PRKG1: variants seen among roughly 807,000 people sequenced by gnomAD.
PRKG1 encodes the protein protein kinase cGMP-dependent 1.
A neutral mutation model predicts 88.1 loss-of-function variants in PRKG1; 35 were observed. The ratio of observed to expected loss-of-function variants is 0.40; its 90% confidence interval spans 0.30 to 0.53. PRKG1 has a LOEUF of 0.53. Among genes scored for constraint, PRKG1 ranks in the 20% least tolerant of loss-of-function variants. The pLI, the probability that PRKG1 is intolerant of heterozygous loss-of-function variation, is 0.59. For missense variants in PRKG1, 540 were observed against 839.8 expected (o/e 0.64, Z 4.41); for synonymous variants, 303 against 292.5 (o/e 1.04, Z -0.37).
At chr10:51,238,208 A>G (rs1364508957) in intron 2 of PRKG1, among the ~76,000 whole-genome samples, 1 of 152,156 alleles carries the variant, frequency 6.6e-6, no homozygotes, top group African/African-American at 2.4e-5. Context: ...AGTAGAATAA[A>G]CAGAATCATA....
intron 3 of PRKG1, among the ~76,000 whole-genome samples, chr10:51,517,327 C>T (rs1262377948): frequency 6.6e-6 from 1 of 152,186 alleles, no homozygotes; most frequent in African/African-American, 2.4e-5. Flanking sequence ...GGCCTTCTGC[C>T]TTCAGAGATA....
chr10:51,257,166 GT>G (rs35730040), intron 2 of PRKG1, among the ~76,000 whole-genome samples: 22,221 of 138,604 alleles, frequency 0.16, 1,728 homozygotes, highest in East Asian at 0.28. Context: ...TCAGAGAAGG[GT>G]TTTTTTTTTT....
chr10:51,699,007 G>C, intron 3 of PRKG1: 1 of 1,614,244 alleles, frequency 6.2e-7, no homozygotes, highest in Non-Finnish European at 8.5e-7. Flanking sequence ...CTGGATCCAT[G>C]ATTCTCATCA....
chr10:51,487,484 A>C (rs1469957085), intron 3 of PRKG1, among the ~76,000 whole-genome samples: 1 of 152,162 alleles, frequency 6.6e-6, no homozygotes, highest in Non-Finnish European at 1.5e-5. Flanking sequence ...TAAAAAACTC[A>C]GTAGGGAGTT....
intron 5 of PRKG1, among the ~76,000 whole-genome samples, chr10:52,037,658 CT>C (rs1845652090): frequency 6.6e-6 from 1 of 152,090 alleles, no homozygotes; most frequent in African/African-American, 2.4e-5. Flanking sequence ...CTCCAGCCAC[CT>C]TTTTAAGAGT....
At chr10:51,547,689 G>A (rs190399277) in intron 3 of PRKG1, among the ~76,000 whole-genome samples, 347 of 152,146 alleles carry the variant, frequency 2.3e-3, no homozygotes, top group African/African-American at 7.1e-3. Context: ...GTTGAGATGT[G>A]CCCCATCTTC....
At chr10:51,585,165 T>A (rs184986462) in intron 3 of PRKG1, among the ~76,000 whole-genome samples, 2 of 152,246 alleles carry the variant, frequency 1.3e-5, no homozygotes, top group East Asian at 1.9e-4. Context: ...CAGTAAAATT[T>A]AAGAGTGAAT....
At chr10:51,575,144 T>G (rs1837852968) in intron 3 of PRKG1, among the ~76,000 whole-genome samples, 1 of 152,000 alleles carries the variant, frequency 6.6e-6, no homozygotes, top group African/African-American at 2.4e-5. Context: ...CCTGTGGTAC[T>G]GAGAAACTAA....
intron 3 of PRKG1, among the ~76,000 whole-genome samples, chr10:51,730,221 A>G (rs1842240361): frequency 6.6e-6 from 1 of 152,204 alleles, no homozygotes; most frequent in Admixed American, 6.5e-5. Flanking sequence ...AGGCGAGGGC[A>G]CAGACCTCTC....
At chr10:51,136,744 GT>G (rs1331226590) in intron 1 of PRKG1, among the ~76,000 whole-genome samples, 12 of 152,002 alleles carry the variant, frequency 7.9e-5, no homozygotes, top group Non-Finnish European at 1.8e-4. Flanking sequence ...GTTTCTTGTA[GT>G]TCTCTATGTG....
intron 4 of PRKG1, among the ~76,000 whole-genome samples, chr10:51,874,192 C>T (rs1296390633): frequency 2.0e-5 from 3 of 152,160 alleles, no homozygotes; most frequent in Admixed American, 2.0e-4. Flanking sequence ...CTGAGCTTCT[C>T]TGAGGGAATT....
intron 3 of PRKG1, among the ~76,000 whole-genome samples, chr10:51,657,300 G>A (rs1469601672): frequency 6.6e-6 from 1 of 152,000 alleles, no homozygotes; most frequent in Non-Finnish European, 1.5e-5. Flanking sequence ...TAGCCACTAA[G>A]CTCAATTGCT....
At chr10:52,261,713 A>AC in intron 10 of PRKG1, among the ~76,000 whole-genome samples, 1 of 152,226 alleles carries the variant, frequency 6.6e-6, no homozygotes, top group East Asian at 1.9e-4. Flanking sequence ...CAAGGAGAAA[A>AC]ATAAATCATA....
At chr10:51,355,224 G>A (rs1588876039) in intron 2 of PRKG1, among the ~76,000 whole-genome samples, 2 of 152,042 alleles carry the variant, frequency 1.3e-5, no homozygotes, top group Non-Finnish European at 2.9e-5. Flanking sequence ...GTATTTTAGA[G>A]GTACGTAATA....
At chr10:52,105,002 A>C (rs1458991613) in intron 7 of PRKG1, among the ~76,000 whole-genome samples, 3 of 152,214 alleles carry the variant, frequency 2.0e-5, no homozygotes, top group African/African-American at 7.2e-5. Context: ...TATTAATTGT[A>C]GTTTTAAAAA....
intron 3 of PRKG1, among the ~76,000 whole-genome samples, chr10:51,577,667 T>C (rs1223415856): frequency 6.6e-6 from 1 of 152,054 alleles, no homozygotes. Context: ...GAATAAGATA[T>C]TTACCAAGTT....
chr10:52,113,462 T>A (rs1847614753), intron 7 of PRKG1, among the ~76,000 whole-genome samples: 1 of 151,952 alleles, frequency 6.6e-6, no homozygotes, highest in South Asian at 2.1e-4. Flanking sequence ...GGAAAGAAAA[T>A]ATCTGCTTTT....
At chr10:52,226,487 G>T (rs181100471) in intron 9 of PRKG1, among the ~76,000 whole-genome samples, 1 of 152,120 alleles carries the variant, frequency 6.6e-6, no homozygotes, top group Admixed American at 6.6e-5. Flanking sequence ...AACATGCAGA[G>T]CAAAGGTGAT....
At chr10:52,062,842 A>T (rs1846269695) in intron 7 of PRKG1, 2 of 714,010 alleles carry the variant, frequency 2.8e-6, no homozygotes, top group Admixed American at 2.0e-5. Flanking sequence ...AATTTCTAAT[A>T]AATCAGTGTT....
Sources: allele counts gnomAD v4.1 joint callset (sites outside exome capture counted in the v4.1 genomes callset), GRCh38; gene constraint gnomAD v4.1.1; transcripts MANE v1.5; gene names NCBI Gene and HGNC (gene_info 2026-07-23, HGNC 2026-07-21).